The following MRPS35 variants were observed in gnomAD, a reference collection of about 807,000 sequenced individuals.
MRPS35 encodes the protein mitochondrial ribosomal protein S35.
A neutral mutation model predicts 32.7 loss-of-function variants in MRPS35; 29 were observed. That is an observed-to-expected ratio of 0.89 (90% CI 0.66 to 1.21). MRPS35 has a LOEUF of 1.21. Ranked by LOEUF, MRPS35 falls within the 50% of genes most tolerant of loss-of-function variation. MRPS35 has a pLI of 0.00. For synonymous variants in MRPS35, 148 were observed against 139.3 expected (o/e 1.06, Z -0.44); for missense variants, 373 against 383.8 (o/e 0.97, Z 0.23).
chr12:27,727,183 G>C (rs559635499), intron 5 of MRPS35, among the ~76,000 whole-genome samples: 4 of 151,914 alleles, frequency 2.6e-5, no homozygotes, highest in African/African-American at 9.7e-5. Flanking sequence ...GGATGGTCTC[G>C]ATCTCCTGAC....
intron 5 of MRPS35, among the ~76,000 whole-genome samples, chr12:27,734,408 A>G (rs971838272): frequency 2.6e-5 from 4 of 151,862 alleles, no homozygotes; most frequent in African/African-American, 9.7e-5. Context: ...ACACCTGGCT[A>G]ATTTTGTATT....
intron 7 of MRPS35, among the ~76,000 whole-genome samples, chr12:27,751,554 G>A (rs938430085): frequency 1.5e-4 from 23 of 152,036 alleles, no homozygotes; most frequent in Admixed American, 1.0e-3. Context: ...TGGCTCCCGC[G>A]ACCCCCATGC....
At chr12:27,746,427 C>T (rs779499225) in intron 7 of MRPS35, among the ~76,000 whole-genome samples, 2 of 152,140 alleles carry the variant, frequency 1.3e-5, no homozygotes, top group Non-Finnish European at 2.9e-5. Context: ...TTTAAAATAT[C>T]GAAATCTGAA....
intron 5 of MRPS35, chr12:27,725,645 C>A: frequency 5.3e-6 from 1 of 187,980 alleles, no homozygotes; most frequent in Non-Finnish European, 1.1e-5. Flanking sequence ...CACCAACCTA[C>A]ATATTACCTG....
chr12:27,740,028 A>G (rs2061957844), intron 7 of MRPS35, among the ~76,000 whole-genome samples: 1 of 152,212 alleles, frequency 6.6e-6, no homozygotes, highest in Non-Finnish European at 1.5e-5. Flanking sequence ...CTTTCTAAAC[A>G]AGTACCATCA....
At chr12:27,713,105 C>T (rs1299535838) in intron 1 of MRPS35, among the ~76,000 whole-genome samples, 3 of 152,198 alleles carry the variant, frequency 2.0e-5, no homozygotes, top group Admixed American at 2.0e-4. Context: ...TCTCTCTGTT[C>T]TGTTCTTAAA....
intron 1 of MRPS35, 91 bp downstream of exon 1, chr12:27,711,046 C>T (rs1359530347): frequency 4.8e-6 from 6 of 1,238,194 alleles, no homozygotes; most frequent in Non-Finnish European, 5.7e-6. Flanking sequence ...GCTGAGCCAG[C>T]GCCGCCCGGG....
chr12:27,743,193 A>G (rs1378974589), intron 7 of MRPS35, among the ~76,000 whole-genome samples: 2 of 152,062 alleles, frequency 1.3e-5, no homozygotes, highest in Non-Finnish European at 2.9e-5. Flanking sequence ...GTGAAAGAGT[A>G]AACCATCCTG....
At chr12:27,745,789 C>G (rs1334443010) in intron 7 of MRPS35, among the ~76,000 whole-genome samples, 1 of 150,258 alleles carries the variant, frequency 6.7e-6, no homozygotes, top group South Asian at 2.1e-4. Flanking sequence ...TTGTTCAATT[C>G]CCACCTATGA....
In MRPS35 at chr12:27,737,278, G is replaced by A. The variant is rs574660275; in HGVS notation, c.633-261G>A. ...TGGACACAATCCTAGTAAAAGTAGC[G>A]TAAGCTATTGTTACATACAGATAAC... On this transcript the variant is annotated intron_variant, in intron 6 of 7. Coordinates refer to ENST00000081029, the MANE Select transcript of MRPS35 (RefSeq NM_021821.4). Among the ~76,000 whole-genome samples the A allele has an allele frequency of 5.9e-5, 9 of 152,308 alleles. No individual in the cohort carries two copies. In the South Asian group the frequency reaches 1.2e-3, roughly 21 times the overall value.
At chr12:27,712,934 C>T (rs565788052) in intron 1 of MRPS35, among the ~76,000 whole-genome samples, 21 of 152,358 alleles carry the variant, frequency 1.4e-4, no homozygotes, top group African/African-American at 4.8e-4. Flanking sequence ...GGGAGAATCA[C>T]CTGAGCCTGG....
intron 4 of MRPS35, 23 bp from the exon 5 acceptor site, chr12:27,724,024 G>T (rs1386001880): frequency 3.1e-6 from 5 of 1,605,884 alleles, no homozygotes; most frequent in Non-Finnish European, 3.4e-6. Flanking sequence ...AAGTGTAATT[G>T]AAATTATTTC....
At chr12:27,754,143 A>G (rs761147473) in intron 7 of MRPS35, among the ~76,000 whole-genome samples, 1 of 152,058 alleles carries the variant, frequency 6.6e-6, no homozygotes, top group Non-Finnish European at 1.5e-5. Context: ...ACTTCCAGCT[A>G]CTCAGGAGGC....
At chr12:27,734,502 A>G (rs1268762529) in intron 5 of MRPS35, among the ~76,000 whole-genome samples, 1 of 152,126 alleles carries the variant, frequency 6.6e-6, no homozygotes, top group African/African-American at 2.4e-5. Flanking sequence ...CGGCCTCCCA[A>G]AGTAATGGCA....
chr12:27,751,124 A>AAAAG lies in MRPS35; in HGVS notation c.703-4055_703-4054insAGAA, dbSNP rs71679053. On this transcript the variant is annotated intron_variant, in intron 7 of 7. Coordinates refer to ENST00000081029, the MANE Select transcript of MRPS35 (RefSeq NM_021821.4). Reference sequence around the variant, plus strand: ...TCTCAAAAAAAAAAAAAAAAAAAAAAAAGAAAAGAAAAGAAAAAGGAAAAG... The same window carrying AAAAG: ...TCTCAAAAAAAAAAAAAAAAAAAAAAAAAGAAGAAAAGAAAAGAAAAAGGAAAAG... Among the ~76,000 whole-genome samples, 14 of 147,474 alleles carry AAAAG rather than the reference A, an allele frequency of 9.5e-5. No individual in the cohort carries two copies. The East Asian group carries it at 2.1e-3, about 22-fold the overall frequency.
chr12:27,745,571 T>A (rs2061979302), intron 7 of MRPS35, among the ~76,000 whole-genome samples: 1 of 152,034 alleles, frequency 6.6e-6, no homozygotes, highest in African/African-American at 2.4e-5. Context: ...TGGGAAGCTT[T>A]TTTTTTTTAA....
At chr12:27,714,661 A>T in intron 1 of MRPS35, 119 bp from the exon 2 acceptor site, 6 of 675,246 alleles carry the variant, frequency 8.9e-6, no homozygotes, top group African/African-American at 1.9e-5. Flanking sequence ...AGATTGTTTC[A>T]TTGTTATGTT....
At chr12:27,717,717 T>G (rs1002224512) in intron 3 of MRPS35, among the ~76,000 whole-genome samples, 3 of 152,258 alleles carry the variant, frequency 2.0e-5, no homozygotes, top group Non-Finnish European at 2.9e-5. Flanking sequence ...TTTAAAGAGG[T>G]CTTTGGAGAA....
At position 27,755,713 on chromosome 12, in the gene MRPS35, T is replaced by G; in HGVS notation, c.*263T>G. The stretch of plus-strand genomic sequence containing the variant: ...TTCTACATAATAGCTTTGGTATTCA[T>G]GTATATACATGCATTTAATTGTGAT... On this transcript the variant is annotated 3_prime_UTR_variant, in exon 8 of 8. Coordinates refer to ENST00000081029, the MANE Select transcript of MRPS35 (RefSeq NM_021821.4). 1 of 223,042 alleles carries G rather than the reference T, an allele frequency of 4.5e-6. No individual in the cohort carries two copies. The highest frequency in any genetic ancestry group is 8.6e-6 in the Non-Finnish European group (1 of 115,802). The allele number at this position is 223,042 out of a possible 1,614,324, so 13.8% of individuals were successfully genotyped here.
Sources: gnomAD v4.1 joint callset for allele counts (sites outside exome capture counted in the v4.1 genomes callset) on GRCh38, gnomAD v4.1.1 for gene constraint, MANE v1.5 for transcripts, NCBI Gene and HGNC (gene_info 2026-07-23, HGNC 2026-07-21) for gene names.